MYOCD: variants seen among roughly 807,000 people sequenced by gnomAD.
The protein encoded by MYOCD is myocardin.
A neutral mutation model predicts 96.1 loss-of-function variants in MYOCD; 32 were observed. That is an observed-to-expected ratio of 0.33 (90% CI 0.25 to 0.45). The LOEUF (loss-of-function observed/expected upper bound fraction) is 0.45. Ranked by LOEUF, MYOCD falls within the 20% of genes least tolerant of loss-of-function variation. MYOCD has a pLI of 1.00. For synonymous variants in MYOCD, 469 were observed against 469.0 expected (o/e 1.00, Z 0.00); for missense variants, 1,133 against 1,200.6 (o/e 0.94, Z 0.83).
rs2033336416 is a variant in MYOCD at position 12,766,208 on chromosome 17, AC to A, written c.*2565del. On this transcript the variant is annotated 3_prime_UTR_variant, in exon 14 of 14. Transcript: ENST00000425538. The stretch of plus-strand genomic sequence containing the variant: ...GAAAACAAACTCACACAGTGCCCCT[AC>A]TCTGAGACCTGGGACTGAGTGTTAA... 6.6e-6 allele frequency: 1 copy of A among 151,910 alleles called. No homozygotes were observed. The highest frequency in any genetic ancestry group is 1.5e-5 in the Non-Finnish European group (1 of 67,996). The allele number at this position is 151,910 out of a possible 1,614,324, so 9.4% of individuals were successfully genotyped here. A position where few individuals can be genotyped will look rare whatever the true frequency, so the allele number is the denominator to read the frequency against.
chr17:12,685,859 G>T (rs1050688265), intron 1 of MYOCD, among the ~76,000 whole-genome samples: 1 of 152,170 alleles, frequency 6.6e-6, no homozygotes, highest in African/African-American at 2.4e-5. Flanking sequence ...CAAATAGCAA[G>T]GAATTGTTCA....
Position 12,752,129 on chromosome 17 carries a change from G to T in MYOCD, c.1126-285G>T, listed in dbSNP as rs16946549. On this transcript the variant is annotated intron_variant, in intron 9 of 13. Transcript: ENST00000425538. ...AATGGGGACACAGATCGCCATGAGG[G>T]ATGACGGGCAGTAGATTAGATGACT... 0.019 allele frequency among the ~76,000 whole-genome samples: 2,929 copies of T among 152,274 alleles called. 143 individuals are homozygous for T. In the East Asian group the frequency reaches 0.19, roughly 10 times the overall value.
At chr17:12,735,063 G>A (rs1165002124) in intron 5 of MYOCD, among the ~76,000 whole-genome samples, 1 of 152,164 alleles carries the variant, frequency 6.6e-6, no homozygotes, top group Non-Finnish European at 1.5e-5. Context: ...CAGTGGTGGC[G>A]ATGACAAGCC....
At chr17:12,735,022 T>C (rs2032301314) in intron 5 of MYOCD, among the ~76,000 whole-genome samples, 1 of 152,192 alleles carries the variant, frequency 6.6e-6, no homozygotes, top group Non-Finnish European at 1.5e-5. Context: ...GACACTTGGA[T>C]GCCTGTGAGA....
Position 12,744,226 on chromosome 17 carries a change from A to G in MYOCD, c.761A>G (p.Lys254Arg), listed in dbSNP as rs759803499. 2.5e-5 allele frequency: 41 copies of G among 1,614,070 alleles called. No individual in the cohort carries two copies. Among genetic ancestry groups the G allele is most frequent in the Middle Eastern group, 1.6e-4 (1 of 6,084 alleles). The change falls in exon 8 of 14, where the codon AAG (lysine) becomes AGG (arginine). Residue 254 changes from lysine (K) to arginine (R), a missense_variant. Coordinates refer to ENST00000425538, the MANE Select transcript of MYOCD (RefSeq NM_001146312.3). ...GDSKNRHKKP[K>R]DPKPKVKKLK... ...AGTAAGAACCGCCACAAAAAGCCCAAGGACCCCAAGCCAAAGGTGAAGAAG... is the reference window on the plus strand; with the variant it reads ...AGTAAGAACCGCCACAAAAAGCCCAGGGACCCCAAGCCAAAGGTGAAGAAG...
chr17:12,753,253 C>G lies in MYOCD; in HGVS notation c.1965C>G (p.Pro655=). Reference sequence around the variant, plus strand: ...AGCACATCAGTTTGCCCCCATCACCCAACAACCCTCACTTTCTGCCCTCAT... The same window carrying G: ...AGCACATCAGTTTGCCCCCATCACCGAACAACCCTCACTTTCTGCCCTCAT... The part of the protein sequence containing the change: ...SPQHISLPPS[P]NNPHFLPSSS... The change falls in exon 10 of 14, where the codon CCC becomes CCG. Residue 655 remains proline, a synonymous_variant. Coordinates refer to ENST00000425538, the MANE Select transcript of MYOCD (RefSeq NM_001146312.3). 6.2e-7 allele frequency: 1 copy of G among 1,614,182 alleles called. No individual in the cohort carries two copies. Among genetic ancestry groups the G allele is most frequent in the Non-Finnish European group, 8.5e-7 (1 of 1,180,026 alleles).
chr17:12,695,990 T>C (rs1197480560), intron 1 of MYOCD, among the ~76,000 whole-genome samples: 1 of 152,204 alleles, frequency 6.6e-6, no homozygotes, highest in Non-Finnish European at 1.5e-5. Context: ...TGTCTTCAAG[T>C]TTCATCCATG....
chr17:12,738,498 CA>C (rs1218594494), intron 6 of MYOCD, among the ~76,000 whole-genome samples: 1 of 151,996 alleles, frequency 6.6e-6, no homozygotes, highest in Non-Finnish European at 1.5e-5. Flanking sequence ...CACACAAAAC[CA>C]CATATACATA....
intron 5 of MYOCD, among the ~76,000 whole-genome samples, chr17:12,732,138 A>G (rs1297482156): frequency 1.3e-5 from 2 of 152,148 alleles, no homozygotes; most frequent in African/African-American, 2.4e-5. Context: ...TTGTTTACGC[A>G]GGTGTAAACC....
chr17:12,735,240 C>T (rs1203643742), intron 5 of MYOCD, among the ~76,000 whole-genome samples: 2 of 152,214 alleles, frequency 1.3e-5, no homozygotes, highest in East Asian at 1.9e-4. Context: ...ATTCCTTTAG[C>T]GCAGAGCAGT....
intron 4 of MYOCD, 49 bp downstream of exon 4, chr17:12,717,470 C>A: frequency 6.9e-7 from 1 of 1,450,442 alleles, no homozygotes; most frequent in Non-Finnish European, 9.7e-7. Flanking sequence ...GAATGGTGGG[C>A]CATTTTCCCA....
In MYOCD at chr17:12,745,964, G is replaced by A. The variant is rs2032652234; in HGVS notation, c.1017G>A (p.Thr339=). Residue 339 remains threonine (T), a synonymous_variant, in exon 9 of 14, where the codon ACG becomes ACA. Transcript: ENST00000425538. ...TCAGAAATCCAAACTCTTCTTCAAC[G>A]CCACTGAGCAATACCCCCTTGTCTC... is the stretch of plus-strand genomic sequence containing the variant. ...QMVRNPNSSS[T]PLSNTPLSPV... is the part of the protein sequence containing the mutation. 10 of 1,614,080 alleles carry A rather than the reference G, an allele frequency of 6.2e-6. No homozygotes were observed. Among genetic ancestry groups the A allele is most frequent in the Non-Finnish European group, 7.6e-6 (9 of 1,180,000 alleles).
At chr17:12,723,333 C>CTTAA (rs2031902954) in intron 5 of MYOCD, among the ~76,000 whole-genome samples, 1 of 152,106 alleles carries the variant, frequency 6.6e-6, no homozygotes, top group South Asian at 2.1e-4. Context: ...TCCTGTTTAG[C>CTTAA]CTTCCTTGTT....
intron 1 of MYOCD, among the ~76,000 whole-genome samples, chr17:12,676,081 T>C (rs1024941041): frequency 6.6e-6 from 1 of 151,730 alleles, no homozygotes; most frequent in Non-Finnish European, 1.5e-5. Flanking sequence ...CTAATAGTGG[T>C]GGGGAAAAAA....
intron 1 of MYOCD, among the ~76,000 whole-genome samples, chr17:12,667,727 T>C (rs1240896853): frequency 6.6e-6 from 1 of 152,180 alleles, no homozygotes; most frequent in African/African-American, 2.4e-5. Flanking sequence ...CTCCTTCAGC[T>C]AAAGTGCAGT....
intron 9 of MYOCD, 133 bp downstream of exon 9, chr17:12,746,205 G>A: frequency 1.0e-6 from 1 of 979,742 alleles, no homozygotes; most frequent in East Asian, 2.5e-5. Flanking sequence ...CACTGAAGGA[G>A]GTGACAGAAT....
intron 5 of MYOCD, among the ~76,000 whole-genome samples, chr17:12,731,696 A>G (rs919650596): frequency 2.0e-5 from 3 of 152,136 alleles, no homozygotes; most frequent in Non-Finnish European, 4.4e-5. Context: ...TAACTTGCCA[A>G]CTGTCACGCT....
intron 1 of MYOCD, chr17:12,671,819 G>A (rs1002975617): frequency 3.9e-5 from 6 of 152,178 alleles, no homozygotes; most frequent in African/African-American, 1.4e-4. Flanking sequence ...AATTTTACAT[G>A]CTTCAAAAAA....
chr17:12,745,343 A>G (rs1054090448), intron 8 of MYOCD, among the ~76,000 whole-genome samples: 13 of 151,810 alleles, frequency 8.6e-5, no homozygotes, highest in South Asian at 2.1e-4. Context: ...CCTAGTAGCT[A>G]GGATTACAGG....
Sources: allele counts gnomAD v4.1 joint callset (sites outside exome capture counted in the v4.1 genomes callset), GRCh38; gene constraint gnomAD v4.1.1; transcripts MANE v1.5; gene names NCBI Gene and HGNC (gene_info 2026-07-23, HGNC 2026-07-21).